The following LEKR1 variants were observed in gnomAD, a reference collection of about 807,000 sequenced individuals.
LEKR1 encodes leucine, glutamate and lysine rich 1.
LEKR1 carries 59 observed loss-of-function variants against 72.4 expected under a neutral mutation model. The observed-to-expected ratio is 0.82, with a 90% confidence interval of 0.66 to 1.01. The LOEUF is 1.01. Ranked by LOEUF, LEKR1 falls within the 50% of genes least tolerant of loss-of-function variation. LEKR1 has a pLI of 0.00. For missense variants in LEKR1, 728 were observed against 759.2 expected, an observed-to-expected ratio of 0.96 and a Z score of 0.48; for synonymous variants, 257 against 263.2, an observed-to-expected ratio of 0.98 and a Z score of 0.23.
intron 3 of LEKR1, among the ~76,000 whole-genome samples, chr3:156,885,794 G>T (rs1486334852): frequency 6.6e-6 from 1 of 152,236 alleles, no homozygotes; most frequent in Non-Finnish European, 1.5e-5. Flanking sequence ...ACCTCTGGAT[G>T]GTCAGGATGT....
chr3:156,984,511 T>C (rs1179987208), intron 7 of LEKR1, among the ~76,000 whole-genome samples: 1 of 152,006 alleles, frequency 6.6e-6, no homozygotes, highest in East Asian at 1.9e-4. Context: ...ACCTCGCCTT[T>C]ACTAAAAATA....
chr3:156,852,744 G>T, intron 2 of LEKR1, 24 bp from the exon 3 acceptor site: 1 of 1,297,868 alleles, frequency 7.7e-7, no homozygotes, highest in Non-Finnish European at 1.0e-6. Flanking sequence ...AAAAAATTTG[G>T]TAAGTGTATG....
chr3:156,939,025 G>C (rs928041358), intron 5 of LEKR1, among the ~76,000 whole-genome samples: 3 of 152,134 alleles, frequency 2.0e-5, no homozygotes, highest in Non-Finnish European at 4.4e-5. Flanking sequence ...GCATGTATTG[G>C]CTATAAATTT....
chr3:156,982,963 T>G (rs752686124), intron 7 of LEKR1, among the ~76,000 whole-genome samples: 12 of 152,052 alleles, frequency 7.9e-5, no homozygotes, highest in Non-Finnish European at 1.8e-4. Flanking sequence ...TGAAGCCACT[T>G]AAGTGGCTCT....
chr3:156,908,160 G>T (rs760437425), intron 3 of LEKR1, among the ~76,000 whole-genome samples: 8 of 152,202 alleles, frequency 5.3e-5, no homozygotes, highest in Non-Finnish European at 1.2e-4. Flanking sequence ...CCTTAATCAC[G>T]TGGCTAAACT....
intron 7 of LEKR1, among the ~76,000 whole-genome samples, chr3:156,989,840 G>GAC (rs887911529): frequency 6.0e-5 from 9 of 150,710 alleles, no homozygotes; most frequent in South Asian, 2.1e-4. Context: ...CAGACAGAAA[G>GAC]ACACACACAC....
In LEKR1 at chr3:156,939,950, T is replaced by G. The variant is rs184462330; in HGVS notation, c.560-2579T>G. Among the ~76,000 whole-genome samples, 630 of 152,264 alleles carry G rather than the reference T, an allele frequency of 4.1e-3. 2 individuals are homozygous for G. The highest frequency in any genetic ancestry group is 0.015 in the African/African-American group (609 of 41,566). The stretch of plus-strand genomic sequence containing the variant: ...ATTAGGGATAGAATTGATCAATTAT[T>G]TTATTCAATTAAAAATGTTTCTTTT... On this transcript the variant is annotated intron_variant, in intron 5 of 12. Coordinates refer to ENST00000356539, the MANE Select transcript of LEKR1 (RefSeq NM_001004316.3).
intron 3 of LEKR1, among the ~76,000 whole-genome samples, chr3:156,884,386 T>C (rs751382255): frequency 1.3e-5 from 2 of 152,202 alleles, no homozygotes; most frequent in Admixed American, 1.3e-4. Flanking sequence ...GTAAGATTTA[T>C]CTTTTAAGGA....
At chr3:156,999,162 C>A (rs1453913200) in intron 9 of LEKR1, among the ~76,000 whole-genome samples, 1 of 152,134 alleles carries the variant, frequency 6.6e-6, no homozygotes, top group Admixed American at 6.5e-5. Context: ...CCAAGCAATG[C>A]GGAACTGTGA....
At chr3:156,887,173 C>T (rs25519) in intron 3 of LEKR1, among the ~76,000 whole-genome samples, 1 of 152,038 alleles carries the variant, frequency 6.6e-6, no homozygotes, top group Admixed American at 6.5e-5. Context: ...GCGGGTGTCA[C>T]GTTTTCTTGC....
chr3:156,916,454 C>T (rs1205434202), intron 3 of LEKR1, among the ~76,000 whole-genome samples: 41 of 151,894 alleles, frequency 2.7e-4, no homozygotes, highest in Non-Finnish European at 8.8e-5. Context: ...TTTTATAATT[C>T]TCATTGTAGA....
chr3:156,891,466 GAGTT>G (rs564351994), intron 3 of LEKR1, among the ~76,000 whole-genome samples: 17 of 152,298 alleles, frequency 1.1e-4, no homozygotes, highest in Non-Finnish European at 2.2e-4. Context: ...AGGACTTAAA[GAGTT>G]AGTAAGGGAG....
At chr3:156,832,618 C>G (rs76490365) in intron 2 of LEKR1, among the ~76,000 whole-genome samples, 2,976 of 152,230 alleles carry the variant, frequency 0.02, 105 homozygotes, top group African/African-American at 0.067. Context: ...AGTCTCTAGC[C>G]CAGCCAAGGA....
At chr3:157,024,078 C>T (rs951623000) in intron 10 of LEKR1, among the ~76,000 whole-genome samples, 1 of 152,214 alleles carries the variant, frequency 6.6e-6, no homozygotes. Flanking sequence ...CACTGCCTAA[C>T]ATCCCAAGAG....
At chr3:156,916,541 A>T (rs1723668823) in intron 3 of LEKR1, among the ~76,000 whole-genome samples, 2 of 151,914 alleles carry the variant, frequency 1.3e-5, no homozygotes, top group Non-Finnish European at 1.5e-5. Context: ...TGCATTCCTG[A>T]TTTGGCTCTT....
chr3:156,832,422 C>G (rs557963363), intron 2 of LEKR1, among the ~76,000 whole-genome samples: 136 of 152,348 alleles, frequency 8.9e-4, no homozygotes, highest in African/African-American at 3.1e-3. Flanking sequence ...TTCCCCATTT[C>G]TACCAAACAC....
intron 7 of LEKR1, among the ~76,000 whole-genome samples, chr3:156,980,835 G>A (rs1216081514): frequency 1.3e-5 from 2 of 152,158 alleles, no homozygotes; most frequent in Non-Finnish European, 2.9e-5. Context: ...AATGAGCATA[G>A]TGAAGAAAAG....
At chr3:156,941,265 C>T (rs187254921) in intron 5 of LEKR1, among the ~76,000 whole-genome samples, 1 of 152,192 alleles carries the variant, frequency 6.6e-6, no homozygotes, top group Admixed American at 6.6e-5. Flanking sequence ...GTGCCAGACC[C>T]CTTGTGCTTA....
At chr3:156,852,451 G>A (rs373271697) in intron 2 of LEKR1, among the ~76,000 whole-genome samples, 195 of 152,138 alleles carry the variant, frequency 1.3e-3, no homozygotes, top group Middle Eastern at 3.4e-3. Flanking sequence ...TCTTAAAACC[G>A]GAATTATAAA....
Sources: allele counts gnomAD v4.1 joint callset (sites outside exome capture counted in the v4.1 genomes callset), GRCh38; gene constraint gnomAD v4.1.1; transcripts MANE v1.5; gene names NCBI Gene and HGNC (gene_info 2026-07-23, HGNC 2026-07-21).